The following ACO2 variants were observed in gnomAD, a reference collection of about 807,000 sequenced individuals.
The protein encoded by ACO2 is aconitate hydratase, mitochondrial.
In ACO2, 31 loss-of-function variants were observed where a neutral mutation model predicts 84.5. That is an observed-to-expected ratio of 0.37 (90% CI 0.28 to 0.50). The LOEUF is 0.50. Ranked by LOEUF, ACO2 falls within the 20% of genes least tolerant of loss-of-function variation. The pLI is 0.97. For synonymous variants in ACO2, 414 were observed against 412.7 expected, an observed-to-expected ratio of 1.00 and a Z score of -0.04; for missense variants, 685 against 1,029.3, an observed-to-expected ratio of 0.67 and a Z score of 4.58.
At chr22:41,483,102 G>A (rs1268531564) in intron 1 of ACO2, among the ~76,000 whole-genome samples, 2 of 152,216 alleles carry the variant, frequency 1.3e-5, no homozygotes, top group Non-Finnish European at 2.9e-5. Flanking sequence ...CAGAAAGTGG[G>A]GGAAAGTGGA....
chr22:41,524,907 C>T lies in ACO2; in HGVS notation c.1544C>T (p.Thr515Met), dbSNP rs776989836. 71 of 1,614,062 alleles carry T rather than the reference C, an allele frequency of 4.4e-5. No homozygotes were observed. The highest frequency in any genetic ancestry group is 1.6e-4 in the Middle Eastern group (1 of 6,084). The change falls in exon 13 of 18, where the codon ACG (threonine) becomes ATG (methionine). Residue 515 changes from threonine (T) to methionine (M), a missense_variant. Thr to Met is a moderately conservative substitution (Grantham distance 81). Coordinates refer to ENST00000216254, the MANE Select transcript of ACO2 (RefSeq NM_001098.3). ...TTCAACCCAGAGACCGACTACCTGA[C>T]GGGCACGGATGGCAAGAAGTTCAGG... ...LKFNPETDYL[T>M]GTDGKKFRLE... is the part of the protein sequence containing the mutation.
chr22:41,517,196 C>A, intron 6 of ACO2: 1 of 353,932 alleles, frequency 2.8e-6, no homozygotes, highest in Admixed American at 3.8e-5. Flanking sequence ...GCCTACAGTA[C>A]GTGGTGCCTG....
At chr22:41,492,432 T>C (rs923619797) in intron 1 of ACO2, among the ~76,000 whole-genome samples, 2 of 151,426 alleles carry the variant, frequency 1.3e-5, no homozygotes, top group Non-Finnish European at 2.9e-5. Flanking sequence ...AGGTCAGGAG[T>C]TTGAGACCAG....
intron 1 of ACO2, chr22:41,469,651 C>T (rs2037917618): frequency 6.2e-6 from 1 of 160,596 alleles, no homozygotes; most frequent in African/African-American, 2.4e-5. Context: ...GAAACTAGGA[C>T]CCTGTACCAC....
chr22:41,498,687 CAA>C (rs1315591729), intron 1 of ACO2, among the ~76,000 whole-genome samples: 1 of 152,218 alleles, frequency 6.6e-6, no homozygotes, highest in Middle Eastern at 3.2e-3. Flanking sequence ...CAGAGCAATC[CAA>C]GAGAGAGAGC....
At chr22:41,527,810 G>A (rs988954730) in intron 16 of ACO2, 91 bp from the exon 17 acceptor site, 77 of 1,594,390 alleles carry the variant, frequency 4.8e-5, no homozygotes, top group Non-Finnish European at 6.3e-5. Flanking sequence ...AGCAGGATTA[G>A]GGGCATCTCC....
intron 4 of ACO2, among the ~76,000 whole-genome samples, chr22:41,513,288 A>G (rs1393647897): frequency 2.0e-5 from 3 of 151,972 alleles, no homozygotes; most frequent in African/African-American, 4.8e-5. Flanking sequence ...GAGTGATGGC[A>G]GCTCACATCT....
rs1569013808 is a variant in ACO2 at position 41,507,841 on chromosome 22, A to G, written c.224A>G (p.Asp75Gly). ...GAGAAGATTGTGTATGGACACCTGG[A>G]TGACCCCGCCAGCCAGGAAATTGAG... ...LSEKIVYGHL[D>G]DPASQEIERG... Residue 75 changes from aspartate to glycine, a missense_variant, in exon 3 of 18, where the codon GAT becomes GGT. Asp to Gly is a moderately conservative substitution (Grantham distance 94, BLOSUM62 -1). Around this residue, in one of 5 missense-constraint regions of ACO2, gnomAD observed 98 missense variants for 107.6 expected, o/e 0.91. Transcript: ENST00000216254. 3 of 1,614,184 alleles carry G rather than the reference A, an allele frequency of 1.9e-6. No individual in the cohort carries two copies. The highest frequency in any genetic ancestry group is 2.5e-6 in the Non-Finnish European group (3 of 1,180,032).
chr22:41,485,747 C>T (rs1038007149), intron 1 of ACO2, among the ~76,000 whole-genome samples: 9 of 151,870 alleles, frequency 5.9e-5, no homozygotes, highest in South Asian at 2.1e-4. Flanking sequence ...TCGGCCCGCC[C>T]GGCTAATTTT....
intron 1 of ACO2, among the ~76,000 whole-genome samples, chr22:41,484,554 T>G (rs1376975736): frequency 6.6e-6 from 1 of 152,192 alleles, no homozygotes; most frequent in Non-Finnish European, 1.5e-5. Context: ...AATTTTTTTT[T>G]TAAATAGAGA....
intron 14 of ACO2, among the ~76,000 whole-genome samples, 179 bp downstream of exon 14, chr22:41,525,527 C>T (rs1601930958): frequency 6.6e-6 from 1 of 152,266 alleles, no homozygotes; most frequent in East Asian, 1.9e-4. Context: ...CGTCCCCCTT[C>T]TCTGTGGCCC....
chr22:41,508,943 C>T (rs961820161), intron 3 of ACO2, among the ~76,000 whole-genome samples: 4 of 152,314 alleles, frequency 2.6e-5, no homozygotes, highest in South Asian at 4.1e-4. Flanking sequence ...CTCCCAGCCC[C>T]ATGGGAAACA....
At chr22:41,494,302 G>A (rs958385940) in intron 1 of ACO2, among the ~76,000 whole-genome samples, 3 of 152,154 alleles carry the variant, frequency 2.0e-5, no homozygotes, top group African/African-American at 7.2e-5. Flanking sequence ...CGCTTCACTG[G>A]GTGGCTGTGA....
intron 1 of ACO2, among the ~76,000 whole-genome samples, chr22:41,482,754 C>T (rs1259236846): frequency 6.6e-6 from 1 of 152,168 alleles, no homozygotes; most frequent in Non-Finnish European, 1.5e-5. Context: ...TTCATCCTCA[C>T]TGCAGCCTGT....
chr22:41,526,213 C>T (rs779092371), intron 14 of ACO2, 49 bp from the exon 15 acceptor site: 42 of 1,543,282 alleles, frequency 2.7e-5, no homozygotes, highest in Non-Finnish European at 1.5e-5. Flanking sequence ...TGTCATCCAC[C>T]CCTCCAGGGC....
intron 1 of ACO2, among the ~76,000 whole-genome samples, chr22:41,496,720 G>A (rs893612568): frequency 6.6e-6 from 1 of 152,174 alleles, no homozygotes; most frequent in Admixed American, 6.6e-5. Context: ...ACCCAGTGAG[G>A]CAGGCAGTGA....
chr22:41,483,271 A>G, intron 1 of ACO2, among the ~76,000 whole-genome samples: 1 of 152,356 alleles, frequency 6.6e-6, no homozygotes, highest in Non-Finnish European at 1.5e-5. Context: ...GGGTGACCTC[A>G]GGAATGTCTC....
intron 1 of ACO2, among the ~76,000 whole-genome samples, chr22:41,493,974 G>T (rs1037356370): frequency 2.0e-5 from 3 of 152,180 alleles, no homozygotes; most frequent in Non-Finnish European, 1.5e-5. Flanking sequence ...CAGGAGAATT[G>T]CTTGAACCCT....
chr22:41,509,966 G>A (rs1485806512), intron 3 of ACO2, among the ~76,000 whole-genome samples: 2 of 151,884 alleles, frequency 1.3e-5, no homozygotes, highest in African/African-American at 4.8e-5. Context: ...CTCCCGAGTA[G>A]CTGGGATTAC....
Sources: gnomAD v4.1 joint callset for allele counts (sites outside exome capture counted in the v4.1 genomes callset) on GRCh38, gnomAD v4.1.1 for gene constraint, gnomAD v4.1.1 regional missense constraint, MANE v1.5 for transcripts, NCBI Gene and HGNC (gene_info 2026-07-23, HGNC 2026-07-21) for gene names.